CALN1: variants seen among roughly 807,000 people sequenced by gnomAD.
CALN1 encodes the protein calcium-binding protein 8.
CALN1 carries 17 observed loss-of-function variants against 30.6 expected under a neutral mutation model. The observed-to-expected ratio is 0.56, with a 90% CI of 0.38 to 0.83. The LOEUF is 0.83. Among genes scored for constraint, CALN1 ranks in the 40% least tolerant of loss-of-function variants. The pLI is 0.00. For missense variants in CALN1, 291 were observed against 354.9 expected (o/e 0.82, Z 1.45); for synonymous variants, 156 against 131.4 (o/e 1.19, Z -1.28).
intron 5 of CALN1, among the ~76,000 whole-genome samples, chr7:71,967,003 C>CATG (rs1295596697): frequency 6.6e-6 from 1 of 152,158 alleles, no homozygotes; most frequent in African/African-American, 2.4e-5. Context: ...TATTCTTTGC[C>CATG]ATGATGTCAT....
chr7:71,866,625 T>C (rs932043721), intron 5 of CALN1, among the ~76,000 whole-genome samples: 1 of 152,150 alleles, frequency 6.6e-6, no homozygotes, highest in Non-Finnish European at 1.5e-5. Flanking sequence ...GTACTCCACA[T>C]GCTTGAGAAC....
chr7:71,872,274 T>C (rs1791982195), intron 5 of CALN1, among the ~76,000 whole-genome samples: 1 of 152,190 alleles, frequency 6.6e-6, no homozygotes, highest in African/African-American at 2.4e-5. Flanking sequence ...TGACACATAG[T>C]AGGTGTTCAG....
At chr7:72,096,438 C>T (rs1314409168) in intron 4 of CALN1, among the ~76,000 whole-genome samples, 3 of 152,118 alleles carry the variant, frequency 2.0e-5, no homozygotes, top group African/African-American at 4.8e-5. Context: ...TTCTTTTAAC[C>T]AAGGGTCCCC....
intron 5 of CALN1, among the ~76,000 whole-genome samples, chr7:71,847,722 G>GA (rs1474339262): frequency 1.0e-5 from 1 of 99,270 alleles, no homozygotes; most frequent in African/African-American, 5.9e-5. Context: ...GAAGAAAGAA[G>GA]AAGAAAGAAG....
chr7:72,487,722 A>T, the CALN1 span, among the ~76,000 whole-genome samples: 3 of 84,414 alleles, frequency 3.6e-5, no homozygotes, highest in East Asian at 7.5e-4. Flanking sequence ...GAAAAGAAAG[A>T]AAGAAAGAAA....
chr7:71,965,082 C>G (rs1797465633), intron 5 of CALN1, among the ~76,000 whole-genome samples: 1 of 152,138 alleles, frequency 6.6e-6, no homozygotes, highest in South Asian at 2.1e-4. Flanking sequence ...GGCTAGAGTG[C>G]AGTGGTGCCA....
At chr7:72,022,044 C>A (rs367743418) in intron 5 of CALN1, among the ~76,000 whole-genome samples, 55 of 152,316 alleles carry the variant, frequency 3.6e-4, no homozygotes, top group African/African-American at 1.2e-3. Flanking sequence ...TAGTCATGGT[C>A]AATGACTTCC....
At chr7:72,030,271 A>G (rs916620964) in intron 4 of CALN1, among the ~76,000 whole-genome samples, 1 of 152,160 alleles carries the variant, frequency 6.6e-6, no homozygotes, top group African/African-American at 2.4e-5. Context: ...CCATGGTTGG[A>G]GGAACAATCA....
chr7:72,433,213 G>C (rs1808033002), intron 1 of CALN1, among the ~76,000 whole-genome samples: 1 of 152,102 alleles, frequency 6.6e-6, no homozygotes, highest in Non-Finnish European at 1.5e-5. Context: ...GCAGCCCCCT[G>C]ACCAGGTAGC....
At chr7:71,864,466 AG>A (rs1474785698) in intron 5 of CALN1, among the ~76,000 whole-genome samples, 3 of 152,270 alleles carry the variant, frequency 2.0e-5, no homozygotes, top group African/African-American at 7.2e-5. Context: ...AGTACAAAAC[AG>A]GGACTTCCAT....
chr7:72,312,346 G>A (rs1046221191), intron 2 of CALN1, among the ~76,000 whole-genome samples: 3 of 147,502 alleles, frequency 2.0e-5, no homozygotes, highest in African/African-American at 7.6e-5. Context: ...AGAGGTTGCA[G>A]TGAGCCATTG....
chr7:72,197,690 C>T (rs777022884), intron 3 of CALN1, among the ~76,000 whole-genome samples: 1 of 151,814 alleles, frequency 6.6e-6, no homozygotes, highest in Non-Finnish European at 1.5e-5. Flanking sequence ...AATAAATAAA[C>T]AAATAAAGAT....
At chr7:71,964,685 A>G (rs921036016) in intron 5 of CALN1, among the ~76,000 whole-genome samples, 5 of 150,878 alleles carry the variant, frequency 3.3e-5, no homozygotes, top group Admixed American at 2.0e-4. Context: ...CCAAAACAAA[A>G]CAAAAAAAGG....
intron 2 of CALN1, among the ~76,000 whole-genome samples, chr7:72,363,202 T>C (rs1468285571): frequency 1.3e-5 from 2 of 152,270 alleles, no homozygotes; most frequent in African/African-American, 4.8e-5. Flanking sequence ...TAGGCCCCAG[T>C]GTGTGTTGTT....
At chr7:72,499,955 T>A in the CALN1 span, among the ~76,000 whole-genome samples, 56,457 of 110,612 alleles carry the variant, frequency 0.51, 17,623 homozygotes, top group African/African-American at 0.68. Context: ...TCTGTTGCCC[T>A]GGCTGAAGTA....
intron 3 of CALN1, among the ~76,000 whole-genome samples, chr7:72,171,694 T>C (rs1788977691): frequency 6.6e-6 from 1 of 152,208 alleles, no homozygotes; most frequent in African/African-American, 2.4e-5. Context: ...AAGATCTTTG[T>C]ACCAGGTCCT....
intron 5 of CALN1, among the ~76,000 whole-genome samples, chr7:71,895,206 T>A (rs980107110): frequency 6.6e-6 from 1 of 152,184 alleles, no homozygotes; most frequent in Non-Finnish European, 1.5e-5. Context: ...CCACCTTCCT[T>A]GACCTCCCAA....
At chr7:72,337,335 C>T (rs958408088) in intron 2 of CALN1, 2 of 971,214 alleles carry the variant, frequency 2.1e-6, no homozygotes, top group Non-Finnish European at 2.4e-6. Context: ...CCCCCACCCC[C>T]CAACCTCCGC....
chr7:72,324,859 C>T (rs1413064365), intron 2 of CALN1, among the ~76,000 whole-genome samples: 2 of 151,876 alleles, frequency 1.3e-5, no homozygotes, highest in Admixed American at 6.6e-5. Flanking sequence ...GCTGGGATTA[C>T]AGGCATGAGC....
Sources: allele counts gnomAD v4.1 joint callset (sites outside exome capture counted in the v4.1 genomes callset), GRCh38; gene constraint gnomAD v4.1.1; transcripts MANE v1.5; gene names NCBI Gene and HGNC (gene_info 2026-07-23, HGNC 2026-07-21).